Variants in MYT1 observed in about 807,000 individuals in gnomAD.
MYT1 encodes myelin transcription factor I.
Under a neutral mutation model 123.0 loss-of-function variants are expected in MYT1, and 23 were observed. The observed-to-expected ratio is 0.19, with a 90% CI of 0.13 to 0.26. The LOEUF (loss-of-function observed/expected upper bound fraction) is 0.26, where lower values mean the gene tolerates loss of function less well. Among genes scored for constraint, MYT1 ranks in the 10% least tolerant of loss-of-function variants. The pLI, the probability that MYT1 is intolerant of heterozygous loss-of-function variation, is 1.00. For missense variants in MYT1, 1,125 were observed against 1,472.5 expected, an observed-to-expected ratio of 0.76 and a Z score of 3.86; for synonymous variants, 518 against 575.3, an observed-to-expected ratio of 0.90 and a Z score of 1.43.
rs1984193903 is a variant in MYT1, at chr20:64,227,292, G to C, written c.2529-123G>C. 4 of 781,324 alleles carry C rather than the reference G, an allele frequency of 5.1e-6. No homozygotes were observed. The South Asian group carries it at 7.1e-5, about 14-fold the overall frequency. The allele number at this position is 781,324 out of a possible 1,614,324, so 48.4% of individuals were successfully genotyped here. A position where few individuals can be genotyped will look rare whatever the true frequency, so the allele number is the denominator to read the frequency against. ...ATCGGCGATGCTCCTCTGCGGACAA[G>C]GGAATGTGGGTGGGCGCACTCAAGG... On this transcript the variant is annotated intron_variant, in intron 16 of 22. Coordinates refer to ENST00000328439, the MANE Select transcript of MYT1 (RefSeq NM_004535.3).
chr20:64,217,527 C>G (rs1413276894), intron 11 of MYT1, among the ~76,000 whole-genome samples: 1 of 152,214 alleles, frequency 6.6e-6, no homozygotes, highest in Non-Finnish European at 1.5e-5. Context: ...TATGTGTCTC[C>G]TAGTTATTTG....
At chr20:64,226,546 G>A (rs1182441057) in intron 16 of MYT1, among the ~76,000 whole-genome samples, 3 of 152,250 alleles carry the variant, frequency 2.0e-5, no homozygotes, top group African/African-American at 4.8e-5. Context: ...AGGGTCAGGG[G>A]TCAGGAGGGG....
At position 64,192,082 on chromosome 20, in the gene MYT1, C is replaced by T. The variant is rs979146956; in HGVS notation, c.-1+1922C>T. On this transcript the variant is annotated intron_variant, in intron 2 of 22. Coordinates refer to ENST00000328439, the MANE Select transcript of MYT1 (RefSeq NM_004535.3). The surrounding 1 kb of genome is among the most constrained non-coding windows in gnomAD (Gnocchi z 5.3). Reference sequence around the variant, plus strand: ...GACTTTTGTCTCCCCCTGGCCCAGACATGACAAACTCAGAGAGTTTGGGAC... The same window carrying T: ...GACTTTTGTCTCCCCCTGGCCCAGATATGACAAACTCAGAGAGTTTGGGAC... Among the ~76,000 whole-genome samples the T allele has an allele frequency of 1.1e-4, 16 of 152,134 alleles. No homozygotes were observed. Among genetic ancestry groups the T allele is most frequent in the African/African-American group, 3.9e-4 (16 of 41,426 alleles).
intron 1 of MYT1, among the ~76,000 whole-genome samples, chr20:64,170,868 TATATATATATATATATAGAG>T (rs1165932333): frequency 3.4e-5 from 2 of 59,620 alleles, no homozygotes; most frequent in African/African-American, 7.2e-5. Context: ...TATATATATA[TATATATATATATATATAGAG>T]AGAGAGAGAG....
chr20:64,230,028 G>A (rs1402790470), intron 18 of MYT1, among the ~76,000 whole-genome samples: 1 of 152,182 alleles, frequency 6.6e-6, no homozygotes, highest in Admixed American at 6.5e-5. Context: ...CACCAGCTCA[G>A]TGCCTGCCCC....
At chr20:64,181,560 C>T (rs551268729) in intron 1 of MYT1, among the ~76,000 whole-genome samples, 2 of 152,332 alleles carry the variant, frequency 1.3e-5, no homozygotes, top group Non-Finnish European at 2.9e-5. Context: ...ACTGTCTGGG[C>T]TGGGCCATAT....
At position 64,212,181 on chromosome 20, in the gene MYT1, GCCGTGGTGGGGGC is replaced by G; in HGVS notation, c.1517+45_1517+57del. ...GGCCGTAGTGGGGGCCAGGGTGGGGGCCGTGGTGGGGGCCAGGGTGGGGGCCGTGGTGGGGGCC... is the reference window on the plus strand; with the variant it reads ...GGCCGTAGTGGGGGCCAGGGTGGGGGCAGGGTGGGGGCCGTGGTGGGGGCC... On this transcript the variant is annotated intron_variant, in intron 9 of 22. Coordinates refer to ENST00000328439, the MANE Select transcript of MYT1 (RefSeq NM_004535.3). The surrounding 1 kb of genome is among the most constrained non-coding windows in gnomAD (Gnocchi z 6.8). 2 of 856,212 alleles carry G rather than the reference GCCGTGGTGGGGGC, an allele frequency of 2.3e-6. No homozygotes were observed. The highest frequency in any genetic ancestry group is 3.1e-5 in the African/African-American group (1 of 32,616). 53.0% of individuals were successfully genotyped at this position (856,212 alleles called of 1,614,324 possible).
intron 6 of MYT1, among the ~76,000 whole-genome samples, chr20:64,206,486 G>A (rs1013239227): frequency 6.6e-6 from 1 of 152,150 alleles, no homozygotes; most frequent in African/African-American, 2.4e-5. Context: ...GTGCCCCTGA[G>A]AGCCCTGGCA....
At chr20:64,198,966 G>A (rs772475976) in intron 3 of MYT1, 50 bp downstream of exon 3, 19 of 1,599,028 alleles carry the variant, frequency 1.2e-5, no homozygotes, top group Middle Eastern at 1.7e-4. Context: ...ACTTTCCTCC[G>A]CGGTCTTCCT....
In MYT1 at chr20:64,192,074, G is replaced by C. The variant is rs1982986055; in HGVS notation, c.-1+1914G>C. Among the ~76,000 whole-genome samples, 1 of 152,080 alleles carries C rather than the reference G, an allele frequency of 6.6e-6. No individual in the cohort carries two copies. The highest frequency in any genetic ancestry group is 2.4e-5 in the African/African-American group (1 of 41,414). On this transcript the variant is annotated intron_variant, in intron 2 of 22. Transcript: ENST00000328439. The surrounding 1 kb of genome is among the most constrained non-coding windows in gnomAD (Gnocchi z 5.3). ...GGTCGGAAGACTTTTGTCTCCCCCT[G>C]GCCCAGACATGACAAACTCAGAGAG...
At chr20:64,169,283 GT>G (rs780121535) in intron 1 of MYT1, among the ~76,000 whole-genome samples, 11 of 152,250 alleles carry the variant, frequency 7.2e-5, no homozygotes, top group Admixed American at 6.5e-5. Flanking sequence ...ACAGCAGCAG[GT>G]GCCTGGGGTG....
chr20:64,172,755 T>TTC (rs1277833814), intron 1 of MYT1, among the ~76,000 whole-genome samples: 1 of 145,534 alleles, frequency 6.9e-6, no homozygotes, highest in Non-Finnish European at 1.5e-5. Flanking sequence ...TTTTTTTTTT[T>TTC]TTTTTTTTTG....
intron 1 of MYT1, among the ~76,000 whole-genome samples, chr20:64,173,406 G>A (rs1336637058): frequency 1.3e-5 from 2 of 152,134 alleles, no homozygotes; most frequent in Admixed American, 1.3e-4. Context: ...GAGATGGTCA[G>A]GGGAGCAGGA....
intron 6 of MYT1, among the ~76,000 whole-genome samples, chr20:64,206,124 C>T (rs1374109780): frequency 6.6e-6 from 1 of 152,128 alleles, no homozygotes; most frequent in Non-Finnish European, 1.5e-5. Flanking sequence ...ACAGACAAGG[C>T]TGTGTCTCTG....
rs889328128 is a variant in MYT1 at position 64,185,638 on chromosome 20, G to T, written c.-98-4425G>T. Reference sequence around the variant, plus strand: ...ACAGGGACTCCCATCCGGAGGCCCAGGGGATGCACCATGGGGGCAGGTGGG... The same window carrying T: ...ACAGGGACTCCCATCCGGAGGCCCATGGGATGCACCATGGGGGCAGGTGGG... On this transcript the variant is annotated intron_variant, in intron 1 of 22. Coordinates refer to ENST00000328439, the MANE Select transcript of MYT1 (RefSeq NM_004535.3). The surrounding 1 kb of genome is among the most constrained non-coding windows in gnomAD (Gnocchi z 4.5). Among the ~76,000 whole-genome samples the T allele has an allele frequency of 6.6e-6, 1 of 152,212 alleles. No individual in the cohort carries two copies. Among genetic ancestry groups the T allele is most frequent in the African/African-American group, 2.4e-5 (1 of 41,446 alleles).
At chr20:64,178,392 C>T (rs552633753) in intron 1 of MYT1, among the ~76,000 whole-genome samples, 4 of 152,354 alleles carry the variant, frequency 2.6e-5, no homozygotes, top group South Asian at 2.1e-4. Context: ...ACGTGCTGTG[C>T]GTGGTCCTGG....
chr20:64,223,060 G>A, intron 14 of MYT1, 51 bp from the exon 15 acceptor site: 2 of 1,606,296 alleles, frequency 1.2e-6, no homozygotes, highest in African/African-American at 1.3e-5. Context: ...CTCAGCCTGG[G>A]GGGCAGGTAC....
rs140708165 is a variant in MYT1 at position 64,228,827 on chromosome 20, G to A, written c.2675+856G>A. Among the ~76,000 whole-genome samples, 344 of 152,368 alleles carry A rather than the reference G, an allele frequency of 2.3e-3. 4 individuals are homozygous for A. Among genetic ancestry groups the A allele is most frequent in the African/African-American group, 8.0e-3 (331 of 41,578 alleles). Reference sequence around the variant, plus strand: ...GGGCAGTGGGTTCCCCAGCAGGTGAGCAGAGTGGAAATGATGGCTCTGGAC... The same window carrying A: ...GGGCAGTGGGTTCCCCAGCAGGTGAACAGAGTGGAAATGATGGCTCTGGAC... On this transcript the variant is annotated intron_variant, in intron 18 of 22. Transcript: ENST00000328439.
At chr20:64,239,374 C>A (rs1211471959) in intron 21 of MYT1, among the ~76,000 whole-genome samples, 2 of 152,142 alleles carry the variant, frequency 1.3e-5, no homozygotes, top group Non-Finnish European at 2.9e-5. Flanking sequence ...CAGGTGGAGT[C>A]TGAGATTGAG....
Sources: gnomAD v4.1 joint callset for allele counts (sites outside exome capture counted in the v4.1 genomes callset) on GRCh38, gnomAD v4.1.1 for gene constraint, Gnocchi (gnomAD v3.1) non-coding constraint, MANE v1.5 for transcripts, NCBI Gene and HGNC (gene_info 2026-07-23, HGNC 2026-07-21) for gene names.